The following EDA variants were observed in gnomAD, a reference collection of about 807,000 sequenced individuals.
The protein encoded by EDA is ectodysplasin A, also known as ectodysplasin-A.
A neutral mutation model predicts 23.6 loss-of-function variants in EDA; 2 were observed. That is an observed-to-expected ratio of 0.08 (90% CI 0.03 to 0.27). EDA has a LOEUF of 0.27. EDA is among the 10% of genes least tolerant of loss of function. EDA has a pLI of 1.00. For synonymous variants in EDA, 131 were observed against 132.0 expected (o/e 0.99, Z 0.05); for missense variants, 229 against 324.2 (o/e 0.71, Z 2.26).
At chrX:69,632,152 G>A (rs145960942) in intron 1 of EDA, among the ~76,000 whole-genome samples, 236 of 111,666 alleles carry the variant, frequency 2.1e-3, no homozygotes, top group African/African-American at 7.5e-3. Flanking sequence ...AGGAAATCTA[G>A]GTGCCTGTAT....
chrX:69,829,122 C>T (rs1331116698), intron 1 of EDA, among the ~76,000 whole-genome samples: 4 of 112,109 alleles, frequency 3.6e-5, no homozygotes, highest in South Asian at 3.7e-4. Flanking sequence ...TGCTTTTTTC[C>T]GTCTTTCCTC....
At position 69,994,367 on chromosome X, in the gene EDA, T is replaced by G. The variant is rs149194006; in HGVS notation, c.503-28851T>G. 1.7e-3 allele frequency among the ~76,000 whole-genome samples: 195 copies of G among 111,901 alleles called. 1 individual carries two copies. Among genetic ancestry groups the G allele is most frequent in the Non-Finnish European group, 2.7e-3 (141 of 53,157 alleles). On this transcript the variant is annotated intron_variant, in intron 2 of 7. Transcript: ENST00000374552. ...AGGGAGGTTCTTATTCATCTGCCAT[T>G]CTCTATAATCATTTCTGTTCTTTTC...
At chrX:69,887,513 T>C (rs1269831557) in intron 1 of EDA, among the ~76,000 whole-genome samples, 1 of 111,413 alleles carries the variant, frequency 9.0e-6, no homozygotes, top group Non-Finnish European at 1.9e-5. Flanking sequence ...GAAAAGAAAG[T>C]TTATTTAAAG....
rs1297535505 is a variant in EDA at position 69,616,256 on chromosome X, G to A, written c.-53G>A. 10 of 1,149,814 alleles carry A rather than the reference G, an allele frequency of 8.7e-6. No homozygotes were observed. The highest frequency in any genetic ancestry group is 1.2e-5 in the Non-Finnish European group (10 of 868,725). 94.8% of individuals were successfully genotyped at this position (1,149,814 alleles called of 1,213,427 possible). A position where few individuals can be genotyped will look rare whatever the true frequency, so the allele number is the denominator to read the frequency against. Reference sequence around the variant, plus strand: ...CGCCTGTCAGAGGTCGTGAACGGCTGAGGCAGACGCAGCGGCTCCCGGGCC... The same window carrying A: ...CGCCTGTCAGAGGTCGTGAACGGCTAAGGCAGACGCAGCGGCTCCCGGGCC... On this transcript the variant is annotated 5_prime_UTR_variant, in exon 1 of 8. An upstream open reading frame in the 5' UTR loses its in-frame stop. Transcript: ENST00000374552.
chrX:69,747,536 C>T (rs1489330647), intron 1 of EDA, among the ~76,000 whole-genome samples: 1 of 112,237 alleles, frequency 8.9e-6, no homozygotes, highest in Non-Finnish European at 1.9e-5. Flanking sequence ...TGTGCTTTAA[C>T]ATGATTACTG....
intron 1 of EDA, among the ~76,000 whole-genome samples, chrX:69,830,854 A>G (rs1324985425): frequency 8.9e-6 from 1 of 111,825 alleles, no homozygotes; most frequent in Non-Finnish European, 1.9e-5. Context: ...CTCAATCTTT[A>G]TTCTTTAGAA....
Position 70,038,280 on chromosome X carries a change from C to T in EDA, c.*2671C>T, listed in dbSNP as rs2020290559. On this transcript the variant is annotated 3_prime_UTR_variant, in exon 8 of 8. Transcript: ENST00000374552. ...ACTGGACCCTTGATTCATTCTGAAC[C>T]CTCCAAAGGAACTCTAGAGGGCGAG... The T allele has an allele frequency of 9.0e-6, 1 of 110,724 alleles. No individual in the cohort carries two copies. The highest frequency in any genetic ancestry group is 1.9e-5 in the Non-Finnish European group (1 of 52,966). The allele number at this position is 110,724 out of a possible 1,213,427, so 9.1% of individuals were successfully genotyped here.
At chrX:69,821,640 A>G (rs776116525) in intron 1 of EDA, among the ~76,000 whole-genome samples, 3 of 111,671 alleles carry the variant, frequency 2.7e-5, no homozygotes, top group Admixed American at 1.9e-4. Flanking sequence ...CAGTACCGAG[A>G]TCTTGATGTG....
intron 1 of EDA, among the ~76,000 whole-genome samples, chrX:69,708,592 C>T (rs1348674518): frequency 9.0e-6 from 1 of 110,841 alleles, no homozygotes; most frequent in Non-Finnish European, 1.9e-5. Flanking sequence ...GGGACATCTT[C>T]TACGGCCCTA....
chrX:69,734,782 A>T (rs1348339583), intron 1 of EDA, among the ~76,000 whole-genome samples: 1 of 111,853 alleles, frequency 8.9e-6, no homozygotes, highest in East Asian at 2.8e-4. Flanking sequence ...TCATTGTGTT[A>T]GAGAACATAC....
intron 1 of EDA, among the ~76,000 whole-genome samples, chrX:69,796,934 A>G (rs920629575): frequency 1.1e-4 from 12 of 110,698 alleles, no homozygotes; most frequent in South Asian, 7.6e-4. Flanking sequence ...GATACAAAAC[A>G]TATTTGAAAA....
chrX:69,826,270 T>C (rs1264691632), intron 1 of EDA, among the ~76,000 whole-genome samples: 5 of 110,897 alleles, frequency 4.5e-5, no homozygotes, highest in South Asian at 3.9e-4. Flanking sequence ...CCTTCTGTCT[T>C]GTTGATCTGT....
intron 1 of EDA, among the ~76,000 whole-genome samples, chrX:69,904,088 G>A (rs1202631574): frequency 2.7e-5 from 3 of 111,091 alleles, no homozygotes; most frequent in Non-Finnish European, 5.7e-5. Flanking sequence ...TGAGATTACA[G>A]GCGTGAGCCA....
chrX:69,970,344 G>A, intron 2 of EDA, among the ~76,000 whole-genome samples: 1 of 112,142 alleles, frequency 8.9e-6, no homozygotes, highest in East Asian at 2.8e-4. Context: ...AAGGACTAGA[G>A]ATAAATTAAA....
intron 1 of EDA, among the ~76,000 whole-genome samples, chrX:69,722,678 C>G (rs948926535): frequency 9.0e-6 from 1 of 111,168 alleles, no homozygotes; most frequent in African/African-American, 3.3e-5. Context: ...GTAGTTATCA[C>G]TGGTTATGTC....
chrX:69,753,969 G>A (rs1482929589), intron 1 of EDA, among the ~76,000 whole-genome samples: 1 of 108,770 alleles, frequency 9.2e-6, no homozygotes, highest in African/African-American at 3.4e-5. Context: ...GTGTGTTTCT[G>A]CACGTGAGAT....
intron 1 of EDA, among the ~76,000 whole-genome samples, chrX:69,749,536 C>T (rs2013743212): frequency 9.0e-6 from 1 of 110,685 alleles, no homozygotes; most frequent in South Asian, 3.9e-4. Flanking sequence ...AATGGTTGAA[C>T]TAGTTTACAG....
chrX:69,678,517 C>G (rs886899446), intron 1 of EDA, among the ~76,000 whole-genome samples: 4 of 111,127 alleles, frequency 3.6e-5, no homozygotes, highest in Admixed American at 2.9e-4. Flanking sequence ...GTTTGTAGTT[C>G]TCCTTGAAGA....
chrX:69,929,704 TTTTGTGTGTGTGTGTGTG>T (rs1170299300), intron 1 of EDA, among the ~76,000 whole-genome samples: 1 of 64,381 alleles, frequency 1.6e-5, no homozygotes, highest in South Asian at 1.0e-3. Flanking sequence ...TTCATTCTAT[TTTTGTGTGTGTGTGTGTG>T]TGTGTGTGTG....
Sources: allele counts gnomAD v4.1 joint callset (sites outside exome capture counted in the v4.1 genomes callset), GRCh38; gene constraint gnomAD v4.1.1; transcripts MANE v1.5; gene names NCBI Gene and HGNC (gene_info 2026-07-23, HGNC 2026-07-21).